PLCE1: variants seen among roughly 807,000 people sequenced by gnomAD.
PLCE1 encodes the protein 1-phosphatidylinositol 4,5-bisphosphate phosphodiesterase epsilon-1.
In PLCE1, 119 loss-of-function variants were observed where a neutral mutation model predicts 242.8. That is an observed-to-expected ratio of 0.49 (90% CI 0.42 to 0.57). The LOEUF (loss-of-function observed/expected upper bound fraction) is 0.57, where lower values mean the gene tolerates loss of function less well. Ranked by LOEUF, PLCE1 falls within the 20% of genes least tolerant of loss-of-function variation. The pLI is 0.00. For synonymous variants in PLCE1, 945 were observed against 1,017.4 expected (o/e 0.93, Z 1.35); for missense variants, 2,441 against 2,788.8 (o/e 0.88, Z 2.81).
chr10:94,322,583 G>A (rs1022449147), intron 30 of PLCE1, among the ~76,000 whole-genome samples: 1 of 152,114 alleles, frequency 6.6e-6, no homozygotes, highest in Non-Finnish European at 1.5e-5. Flanking sequence ...TCAGGAGTTC[G>A]AGACCAGCCT....
At position 94,031,408 on chromosome 10, in the gene PLCE1, A is replaced by G; in HGVS notation, c.362A>G (p.Gln121Arg). The part of the protein sequence containing the change: ...RNHQHGLPQR[Q>R]FYEMYNSVAE... Reference sequence around the variant, plus strand: ...CATCAGCATGGCCTTCCTCAGAGACAATTTTATGAAATGTACAACTCTGTT... The same window carrying G: ...CATCAGCATGGCCTTCCTCAGAGACGATTTTATGAAATGTACAACTCTGTT... The change falls in exon 2 of 33, where the codon CAA becomes CGA. Residue 121 changes from glutamine to arginine, a missense_variant. Gln to Arg is a conservative substitution (Grantham distance 43, BLOSUM62 1). Transcript: ENST00000371380. The G allele has an allele frequency of 3.7e-6, 6 of 1,613,866 alleles. No individual in the cohort carries two copies. The highest frequency in any genetic ancestry group is 4.5e-5 in the East Asian group (2 of 44,866).
intron 3 of PLCE1, among the ~76,000 whole-genome samples, chr10:94,167,725 G>A (rs565976004): frequency 1.7e-4 from 23 of 135,340 alleles, no homozygotes; most frequent in Admixed American, 2.6e-4. Flanking sequence ...TCCCACCTAT[G>A]AGTGAGAACA....
chr10:94,165,293 C>A (rs908192480), intron 3 of PLCE1, among the ~76,000 whole-genome samples: 1 of 152,218 alleles, frequency 6.6e-6, no homozygotes, highest in African/African-American at 2.4e-5. Flanking sequence ...TCGAGCTTCC[C>A]GGCTGCTTTG....
At chr10:94,048,325 A>G (rs1241531612) in intron 2 of PLCE1, among the ~76,000 whole-genome samples, 1 of 152,112 alleles carries the variant, frequency 6.6e-6, no homozygotes, top group East Asian at 1.9e-4. Flanking sequence ...GGGTATGTGA[A>G]TGTTCAAATT....
intron 1 of PLCE1, among the ~76,000 whole-genome samples, chr10:94,013,866 T>TG (rs1220214570): frequency 6.6e-6 from 1 of 151,460 alleles, no homozygotes; most frequent in Non-Finnish European, 1.5e-5. Flanking sequence ...AGATGATCCC[T>TG]GGGGGGGCTA....
chr10:94,023,750 C>T (rs1339663539), intron 1 of PLCE1, among the ~76,000 whole-genome samples: 1 of 152,092 alleles, frequency 6.6e-6, no homozygotes, highest in East Asian at 1.9e-4. Flanking sequence ...GTAGCTTTCT[C>T]ATCTACTTAT....
intron 18 of PLCE1, among the ~76,000 whole-genome samples, chr10:94,271,306 C>CTTTTTT (rs35048796): frequency 4.1e-5 from 3 of 73,266 alleles, no homozygotes; most frequent in African/African-American, 1.2e-4. Context: ...AGAAGATCAT[C>CTTTTTT]TTTTTTTTTT....
At chr10:94,010,463 G>C (rs2134262010) in intron 1 of PLCE1, among the ~76,000 whole-genome samples, 1 of 152,280 alleles carries the variant, frequency 6.6e-6, no homozygotes, top group East Asian at 1.9e-4. Flanking sequence ...TTAGCAAGTG[G>C]TTGCTCTGCA....
chr10:94,295,570 TG>T (rs1282628381), intron 23 of PLCE1, among the ~76,000 whole-genome samples: 1 of 152,244 alleles, frequency 6.6e-6, no homozygotes, highest in Non-Finnish European at 1.5e-5. Context: ...CTTCTGTTAA[TG>T]TTGCTCTTTT....
At chr10:94,207,655 T>C (rs779343644) in intron 4 of PLCE1, among the ~76,000 whole-genome samples, 1 of 151,952 alleles carries the variant, frequency 6.6e-6, no homozygotes, top group Non-Finnish European at 1.5e-5. Context: ...GGATTCTAAA[T>C]ACCATTCTTT....
chr10:94,001,524 T>C (rs1305985945), intron 1 of PLCE1, among the ~76,000 whole-genome samples: 1 of 152,230 alleles, frequency 6.6e-6, no homozygotes, highest in African/African-American at 2.4e-5. Context: ...AGACTCTGTT[T>C]TGATGACTTC....
At chr10:93,997,964 G>A (rs746774248) in intron 1 of PLCE1, among the ~76,000 whole-genome samples, 11 of 152,166 alleles carry the variant, frequency 7.2e-5, no homozygotes, top group African/African-American at 1.2e-4. Flanking sequence ...GAGGGTGGCC[G>A]GTGGTTTGGT....
At chr10:94,315,646 G>A (rs2053540812) in intron 28 of PLCE1, among the ~76,000 whole-genome samples, 1 of 151,890 alleles carries the variant, frequency 6.6e-6, no homozygotes, top group South Asian at 2.1e-4. Context: ...GTGCACACCT[G>A]TAATCCCAGC....
rs182290650 is a variant in PLCE1, at chr10:94,018,796, A to G, written c.-364-11887A>G. Among the ~76,000 whole-genome samples the G allele has an allele frequency of 3.4e-3, 512 of 152,332 alleles. 1 individual carries two copies. Among genetic ancestry groups the G allele is most frequent in the African/African-American group, 0.012 (480 of 41,572 alleles). ...TGTGAACTAATCTGGTACCTTGCAC[A>G]TGTGCTAAGCACCCAGTAAACTTGT... On this transcript the variant is annotated intron_variant, in intron 1 of 32. Transcript: ENST00000371380.
intron 3 of PLCE1, among the ~76,000 whole-genome samples, chr10:94,163,871 G>T (rs2047702542): frequency 6.6e-6 from 1 of 152,080 alleles, no homozygotes; most frequent in Non-Finnish European, 1.5e-5. Flanking sequence ...AAATCTCTTA[G>T]CATTTGCTTA....
intron 2 of PLCE1, among the ~76,000 whole-genome samples, chr10:94,128,064 T>G (rs2046486835): frequency 6.6e-6 from 1 of 150,774 alleles, no homozygotes; most frequent in South Asian, 2.1e-4. Flanking sequence ...CTCAGCTTAC[T>G]GCAACCTTCG....
rs752930243 is a variant in PLCE1, at chr10:94,235,890, G to A, written c.2215-25G>A. 6.2e-5 allele frequency: 99 copies of A among 1,598,382 alleles called. 3 individuals carry two copies. In the South Asian group the frequency reaches 1.0e-3, roughly 17 times the overall value. ...TATCCAGGCATATTAAGTTGCAATA[G>A]CAAATTCTCGATTTTTTTTTGTAGT... On this transcript the variant is annotated intron_variant, in intron 6 of 32. Transcript: ENST00000371380.
chr10:94,223,381 A>G (rs1044553830), intron 4 of PLCE1, among the ~76,000 whole-genome samples: 3 of 152,102 alleles, frequency 2.0e-5, no homozygotes, highest in Non-Finnish European at 2.9e-5. Flanking sequence ...TGATTGGAGA[A>G]TGGACAGGGG....
rs1367953235 is a variant in PLCE1, at chr10:94,235,884, G to T, written c.2215-31G>T. The T allele has an allele frequency of 1.9e-6, 3 of 1,580,944 alleles. No individual in the cohort carries two copies. The Admixed American group carries it at 5.0e-5, about 26-fold the overall frequency. ...GTATGTTATCCAGGCATATTAAGTT[G>T]CAATAGCAAATTCTCGATTTTTTTT... On this transcript the variant is annotated intron_variant, in intron 6 of 32. Transcript: ENST00000371380.
Sources: allele counts gnomAD v4.1 joint callset (sites outside exome capture counted in the v4.1 genomes callset), GRCh38; gene constraint gnomAD v4.1.1; transcripts MANE v1.5; gene names NCBI Gene and HGNC (gene_info 2026-07-23, HGNC 2026-07-21).